The following OVCH1 variants were observed in gnomAD, a reference collection of about 807,000 sequenced individuals.
OVCH1 encodes the protein ovochymase-1.
A neutral mutation model predicts 138.4 loss-of-function variants in OVCH1; 139 were observed. The ratio of observed to expected loss-of-function variants is 1.00; its 90% CI spans 0.87 to 1.16. OVCH1 has a LOEUF of 1.16. OVCH1 is among the 50% of genes most tolerant of loss of function. The probability of loss-of-function intolerance (pLI) is 0.00; values close to 1 mark genes in which losing one functional copy is unlikely to be tolerated. For synonymous variants in OVCH1, 453 were observed against 467.8 expected, an observed-to-expected ratio of 0.97 and a Z score of 0.41; for missense variants, 1,367 against 1,357.9, an observed-to-expected ratio of 1.01 and a Z score of -0.11.
intron 25 of OVCH1, among the ~76,000 whole-genome samples, chr12:29,441,571 C>A (rs545666705): frequency 9.9e-5 from 15 of 152,240 alleles, no homozygotes; most frequent in African/African-American, 2.9e-4. Flanking sequence ...GCAAGGACTT[C>A]ATGTCTAAAA....
chr12:29,446,921 T>G (rs1339824765), intron 22 of OVCH1, among the ~76,000 whole-genome samples: 1 of 151,808 alleles, frequency 6.6e-6, no homozygotes, highest in Non-Finnish European at 1.5e-5. Context: ...TACGGATACA[T>G]TTAAACAACT....
chr12:29,451,266 G>C, intron 22 of OVCH1, 79 bp downstream of exon 22: 1 of 1,155,022 alleles, frequency 8.7e-7, no homozygotes, highest in Non-Finnish European at 1.2e-6. Context: ...TTATTACCAA[G>C]TCAGACTCAT....
At chr12:29,410,228 A>T (rs11050221), downstream of OVCH1, among the ~76,000 whole-genome samples, 51,459 of 138,938 alleles carry the variant, frequency 0.37, 10,155 homozygotes, top group Admixed American at 0.52. Flanking sequence ...GGGTTTCCTG[A>T]ATACAGCACA....
intron 19 of OVCH1, among the ~76,000 whole-genome samples, chr12:29,457,139 A>AT (rs575677772): frequency 5.3e-4 from 81 of 152,154 alleles, no homozygotes; most frequent in African/African-American, 1.8e-3. Context: ...TCTGGGCCTA[A>AT]TTTTTTCACA....
At chr12:29,420,903 TTGCAAGGTGAAGACTATATCAGCGGGAGC>T (rs1248979296) in intron 3 of OVCH1, among the ~76,000 whole-genome samples, 1 of 152,254 alleles carries the variant, frequency 6.6e-6, no homozygotes, top group African/African-American at 2.4e-5. Context: ...GTTCATTGAT[TTGCAAGGTGAAGACTATATCAGCGGGAGC>T]ATAAACTTTA....
At chr12:29,487,622 GATA>G in intron 7 of OVCH1, 68 bp downstream of exon 7, 2 of 1,394,658 alleles carry the variant, frequency 1.4e-6, no homozygotes, top group Non-Finnish European at 1.9e-6. Flanking sequence ...GCTTAGTTCT[GATA>G]ATATCGCAAC....
intron 22 of OVCH1, among the ~76,000 whole-genome samples, chr12:29,447,274 AG>A (rs1330001048): frequency 1.3e-5 from 2 of 152,046 alleles, no homozygotes; most frequent in African/African-American, 4.8e-5. Context: ...TGGGCAAAAT[AG>A]GGAGACACAG....
At chr12:29,459,848 C>T (rs1007062057) in intron 19 of OVCH1, among the ~76,000 whole-genome samples, 2 of 152,114 alleles carry the variant, frequency 1.3e-5, no homozygotes, top group East Asian at 1.9e-4. Flanking sequence ...TACTACGTTG[C>T]GTATCTGAAA....
intron 16 of OVCH1, among the ~76,000 whole-genome samples, chr12:29,470,515 A>G (rs1319174083): frequency 6.6e-6 from 1 of 152,196 alleles, no homozygotes; most frequent in African/African-American, 2.4e-5. Flanking sequence ...GATGGCTTCC[A>G]GCTTTATCCA....
At chr12:29,476,785 A>G (rs188650965) in intron 12 of OVCH1, among the ~76,000 whole-genome samples, 1,328 of 122,916 alleles carry the variant, frequency 0.011, 17 homozygotes, top group Middle Eastern at 0.025. Flanking sequence ...ACACACACAC[A>G]CACACACACA....
At chr12:29,431,501 CAA>C (rs758926817) in intron 27 of OVCH1, among the ~76,000 whole-genome samples, 7 of 152,222 alleles carry the variant, frequency 4.6e-5, no homozygotes, top group South Asian at 2.1e-4. Flanking sequence ...GTAAATCTTG[CAA>C]AGTCTTTCTA....
intron 16 of OVCH1, among the ~76,000 whole-genome samples, chr12:29,467,769 G>A (rs1027750331): frequency 6.6e-6 from 1 of 152,170 alleles, no homozygotes; most frequent in Non-Finnish European, 1.5e-5. Context: ...TCCTAAGTGT[G>A]GAACACCACC....
intron 12 of OVCH1, 39 bp from the exon 13 acceptor site, chr12:29,476,338 A>T: frequency 2.7e-6 from 4 of 1,506,742 alleles, no homozygotes; most frequent in Non-Finnish European, 3.7e-6. Context: ...ATGGTCAAAG[A>T]AGAGAAGAGA....
At chr12:29,413,024 C>CTT (rs35540929) in intron 3 of OVCH1, among the ~76,000 whole-genome samples, 4 of 140,924 alleles carry the variant, frequency 2.8e-5, no homozygotes, top group South Asian at 2.2e-4. Flanking sequence ...CCAGCTAATT[C>CTT]TTTTTTTTTT....
At chr12:29,493,939 G>A (rs552881168) in intron 4 of OVCH1, among the ~76,000 whole-genome samples, 18 of 152,270 alleles carry the variant, frequency 1.2e-4, no homozygotes, top group Non-Finnish European at 2.1e-4. Flanking sequence ...TTCTCTCAGA[G>A]AATTTATTTT....
At chr12:29,433,873 T>C in intron 26 of OVCH1, 2 of 1,282,508 alleles carry the variant, frequency 1.6e-6, no homozygotes, top group South Asian at 1.5e-5. Context: ...TCAATTAACA[T>C]GTCCAAAAAA....
At chr12:29,490,359 C>T (rs749115383) in intron 5 of OVCH1, among the ~76,000 whole-genome samples, 9 of 152,224 alleles carry the variant, frequency 5.9e-5, no homozygotes, top group Non-Finnish European at 8.8e-5. Context: ...AGATTACAGG[C>T]GTGAGCCACT....
intron 7 of OVCH1, 122 bp downstream of exon 7, chr12:29,487,571 C>T: frequency 1.0e-6 from 1 of 970,586 alleles, no homozygotes; most frequent in South Asian, 1.8e-5. Context: ...CTACACTGGA[C>T]TAAGAATTTA....
chr12:29,413,882 CTT>C (rs10591354), intron 3 of OVCH1, among the ~76,000 whole-genome samples: 85,617 of 151,956 alleles, frequency 0.56, 26,183 homozygotes, highest in Middle Eastern at 0.78. Flanking sequence ...ACATCCAAAT[CTT>C]TTACGTTATG....
Sources: gnomAD v4.1 joint callset for allele counts (sites outside exome capture counted in the v4.1 genomes callset) on GRCh38, gnomAD v4.1.1 for gene constraint, MANE v1.5 for transcripts, NCBI Gene and HGNC (gene_info 2026-07-23, HGNC 2026-07-21) for gene names.